PSG1: variants seen among roughly 807,000 people sequenced by gnomAD.
PSG1 encodes the protein pregnancy-specific beta-1-glycoprotein 1.
A neutral mutation model predicts 41.4 loss-of-function variants in PSG1; 60 were observed. That is an observed-to-expected ratio of 1.45 (90% CI 1.18 to 1.80). The LOEUF is 1.80. Ranked by LOEUF, PSG1 falls within the 40% of genes most tolerant of loss-of-function variation. The pLI is 0.00. For synonymous variants in PSG1, 256 were observed against 192.9 expected (o/e 1.33, Z -2.71); for missense variants, 806 against 516.9 (o/e 1.56, Z -5.42).
At chr19:42,871,632 A>G in intron 3 of PSG1, 135 bp downstream of exon 3, 1 of 1,601,066 alleles carries the variant, frequency 6.2e-7, no homozygotes, top group Non-Finnish European at 8.5e-7. Flanking sequence ...TGCCTGGGGC[A>G]CAAAGTCATG....
Position 42,878,189 on chromosome 19 carries a change from G to A in PSG1, c.154C>T (p.Leu52Phe). The stretch of plus-strand genomic sequence containing the variant: ...TGGGGCAAATTGTGGACAAGTAGAA[G>A]AACATCCTTCCCCTCGGAAACTTTG... ...PTKVSEGKDV[L>F]LLVHNLPQNL... Residue 52 changes from leucine (L) to phenylalanine (F), a missense_variant, in exon 2 of 6, where the codon CTT becomes TTT. Physicochemically the swap from Leu to Phe is conservative, Grantham distance 22. Transcript: ENST00000436291. 6.2e-7 allele frequency: 1 copy of A among 1,612,216 alleles called. No homozygotes were observed. Among genetic ancestry groups the A allele is most frequent in the Non-Finnish European group, 8.5e-7 (1 of 1,179,136 alleles).
In PSG1 at chr19:42,868,434, G is replaced by T. The variant is rs1971231797; in HGVS notation, c.989-79C>A. 1.1e-5 allele frequency: 17 copies of T among 1,490,758 alleles called. 1 individual carries two copies. The South Asian group carries it at 2.0e-4, about 17-fold the overall frequency. 92.3% of individuals were successfully genotyped at this position (1,490,758 alleles called of 1,614,324 possible). A position where few individuals can be genotyped will look rare whatever the true frequency, so the allele number is the denominator to read the frequency against. ...TCCTGGTCTCTTAAAGGGACACAGTGACCCTCTGAGCCAAGACACACCCTC... is the reference window on the plus strand; with the variant it reads ...TCCTGGTCTCTTAAAGGGACACAGTTACCCTCTGAGCCAAGACACACCCTC... On this transcript the variant is annotated intron_variant, in intron 4 of 5. Coordinates refer to ENST00000436291, the MANE Select transcript of PSG1 (RefSeq NM_001184825.2).
At position 42,868,328 on chromosome 19, in the gene PSG1, G is replaced by A; in HGVS notation, c.1016C>T (p.Pro339Leu). 1 of 1,611,620 alleles carries A rather than the reference G, an allele frequency of 6.2e-7. No homozygotes were observed. The highest frequency in any genetic ancestry group is 8.5e-7 in the Non-Finnish European group (1 of 1,178,628). Reference sequence around the variant, plus strand: ...TCCTGAACGGTAATAGGTGAATGAAGGGTAAATTCTGGGGAGGTCTGGACC... The same window carrying A: ...TCCTGAACGGTAATAGGTGAATGAAAGGTAAATTCTGGGGAGGTCTGGACC... ...LYGPDLPRIY[P>L]SFTYYRSGEV... Residue 339 changes from proline to leucine, a missense_variant, in exon 5 of 6, where the codon CCT becomes CTT. By Grantham distance (98) the Pro-to-Leu change is moderately conservative (BLOSUM62 -3). Transcript: ENST00000436291.
intron 2 of PSG1, among the ~76,000 whole-genome samples, chr19:42,876,184 G>A (rs546421271): frequency 5.3e-5 from 8 of 151,620 alleles, no homozygotes; most frequent in African/African-American, 1.9e-4. Flanking sequence ...GGGCTTGCCA[G>A]TCAGAATGAA....
chr19:42,879,260 C>A (rs1231886515), intron 1 of PSG1, among the ~76,000 whole-genome samples: 2 of 149,738 alleles, frequency 1.3e-5, no homozygotes, highest in Non-Finnish European at 3.0e-5. Context: ...TCACGTGATT[C>A]TCCTGCCTCA....
intron 3 of PSG1, chr19:42,870,308 A>G (rs1971326586): frequency 6.6e-6 from 1 of 151,764 alleles, no homozygotes; most frequent in East Asian, 1.9e-4. Flanking sequence ...AAGATTCAAA[A>G]TCTAAAATGC....
chr19:42,868,849 T>G lies in PSG1; in HGVS notation c.895A>C (p.Ser299Arg). 1.9e-6 allele frequency: 3 copies of G among 1,611,310 alleles called. 1 individual carries two copies. In the South Asian group the frequency reaches 3.3e-5, roughly 18 times the overall value. The change falls in exon 4 of 6, where the codon AGT (serine) becomes CGT (arginine). Residue 299 changes from serine to arginine, a missense_variant. Ser to Arg is a moderately radical substitution (Grantham distance 110). Transcript: ENST00000436291. ...GGTCCTGTTTCATTTCTCGTGACAC[T>G]GGGTAGAATGAGGATCCTGTTTTCA... ...PIENRILILP[S>R]VTRNETGPYQ...
intron 3 of PSG1, chr19:42,870,185 G>A (rs1352289207): frequency 2.0e-5 from 3 of 151,794 alleles, no homozygotes; most frequent in Non-Finnish European, 2.9e-5. Flanking sequence ...AGTTCACACA[G>A]ATTGAGTATT....
intron 2 of PSG1, 26 bp downstream of exon 2, chr19:42,877,886 AC>A (rs1971677080): frequency 1.2e-6 from 2 of 1,611,786 alleles, no homozygotes; most frequent in African/African-American, 2.7e-5. Context: ...GTCCCCCAAC[AC>A]CCAGGGATCA....
chr19:42,878,298 T>G lies in PSG1; in HGVS notation c.65-20A>C. Reference sequence around the variant, plus strand: ...GTGATGCTAGGAGGTGGAGAGAACATCAGTCAATATTGAGACCTATGTATT... The same window carrying G: ...GTGATGCTAGGAGGTGGAGAGAACAGCAGTCAATATTGAGACCTATGTATT... On this transcript the variant is annotated intron_variant, in intron 1 of 5. Transcript: ENST00000436291. 1 of 1,593,004 alleles carries G rather than the reference T, an allele frequency of 6.3e-7. No individual in the cohort carries two copies. Among genetic ancestry groups the G allele is most frequent in the Non-Finnish European group, 8.5e-7 (1 of 1,170,114 alleles).
chr19:42,875,004 C>T (rs1298633826), intron 2 of PSG1, among the ~76,000 whole-genome samples: 3 of 151,758 alleles, frequency 2.0e-5, no homozygotes, highest in African/African-American at 4.8e-5. Context: ...AATGTGAGCT[C>T]CTTAGCAGGT....
intron 3 of PSG1, among the ~76,000 whole-genome samples, chr19:42,871,089 G>C (rs529965510): frequency 9.2e-5 from 14 of 151,626 alleles, no homozygotes; most frequent in Non-Finnish European, 8.8e-5. Context: ...TATTGCCAAT[G>C]CTCCAGGGAT....
intron 2 of PSG1, chr19:42,874,276 C>T (rs191004273): frequency 6.6e-6 from 1 of 151,882 alleles, no homozygotes; most frequent in Admixed American, 6.6e-5. Flanking sequence ...GACACATCCT[C>T]AAGCTAGGTA....
chr19:42,879,388 A>T, intron 1 of PSG1, 130 bp downstream of exon 1: 1 of 1,407,266 alleles, frequency 7.1e-7, no homozygotes. Flanking sequence ...TTCTGATCTC[A>T]TGATCCACCC....
Position 42,871,976 on chromosome 19 carries a change from A to C in PSG1, c.500T>G (p.Leu167Ter). ...NPRETMEAVS[L>*]TCDPETPDAS... ...GTCTGGAGTCTCAGGGTCACAGGTT[A>C]AGCTCACAGCCTCCATGGTCTCCCT... The change falls in exon 3 of 6, where the codon TTA (leucine) becomes TGA (stop). Residue 167 changes from leucine to a stop codon, truncating the protein, a stop_gained. Transcript: ENST00000436291. LOFTEE classifies it high-confidence loss of function. 6.2e-7 allele frequency: 1 copy of C among 1,612,436 alleles called. No individual in the cohort carries two copies. Among genetic ancestry groups the C allele is most frequent in the South Asian group, 1.1e-5 (1 of 90,802 alleles).
chr19:42,873,547 G>A (rs946088733), intron 2 of PSG1, among the ~76,000 whole-genome samples: 13 of 151,696 alleles, frequency 8.6e-5, no homozygotes, highest in South Asian at 2.1e-4. Context: ...TTTACTGATG[G>A]TCCAAACATC....
Position 42,879,693 on chromosome 19 carries a change from C to A in PSG1, c.-112G>T. The A allele has an allele frequency of 6.7e-7, 1 of 1,483,762 alleles. No individual in the cohort carries two copies. The highest frequency in any genetic ancestry group is 9.2e-7 in the Non-Finnish European group (1 of 1,090,672). 91.9% of individuals were successfully genotyped at this position (1,483,762 alleles called of 1,614,324 possible). On this transcript the variant is annotated 5_prime_UTR_variant, in exon 1 of 6. Transcript: ENST00000436291. Reference sequence around the variant, plus strand: ...TTCCTCTTTCTGTGCTGAGCCTCTTCCCAGGGCAGGAGCAATTCTCAAGCT... The same window carrying A: ...TTCCTCTTTCTGTGCTGAGCCTCTTACCAGGGCAGGAGCAATTCTCAAGCT...
intron 1 of PSG1, among the ~76,000 whole-genome samples, chr19:42,879,281 T>C (rs1186662395): frequency 6.6e-6 from 1 of 150,840 alleles, no homozygotes; most frequent in Non-Finnish European, 1.5e-5. Flanking sequence ...GCCTCCCGAG[T>C]AGCTAGGATT....
Position 42,866,903 on chromosome 19 carries a change from T to C in PSG1, c.*231A>G. 1 of 672,600 alleles carries C rather than the reference T, an allele frequency of 1.5e-6. No individual in the cohort carries two copies. Among genetic ancestry groups the C allele is most frequent in the Admixed American group, 2.1e-5 (1 of 48,130 alleles). The allele number at this position is 672,600 out of a possible 1,614,324, so 41.7% of individuals were successfully genotyped here. On this transcript the variant is annotated 3_prime_UTR_variant, in exon 6 of 6. Coordinates refer to ENST00000436291, the MANE Select transcript of PSG1 (RefSeq NM_001184825.2). ...TGTTCTGACATCTTGGGAAAAACTG[T>C]CCACAGTGTGAAGTCATCCACTTGT...
Sources: allele counts gnomAD v4.1 joint callset (sites outside exome capture counted in the v4.1 genomes callset), GRCh38; gene constraint gnomAD v4.1.1; transcripts MANE v1.5; gene names NCBI Gene and HGNC (gene_info 2026-07-23, HGNC 2026-07-21).